Variants in DNAI3 observed in about 807,000 individuals in gnomAD.
The protein encoded by DNAI3 is WD repeat domain 63.
DNAI3 carries 83 observed loss-of-function variants against 115.5 expected under a neutral mutation model. The ratio of observed to expected loss-of-function variants is 0.72; its 90% CI spans 0.60 to 0.86. The LOEUF (loss-of-function observed/expected upper bound fraction) is 0.86. Ranked by LOEUF, DNAI3 falls within the 40% of genes least tolerant of loss-of-function variation. DNAI3 has a pLI of 0.00. For missense variants in DNAI3, 1,004 were observed against 1,075.8 expected, an observed-to-expected ratio of 0.93 and a Z score of 0.93; for synonymous variants, 320 against 347.0, an observed-to-expected ratio of 0.92 and a Z score of 0.86.
intron 3 of DNAI3, among the ~76,000 whole-genome samples, chr1:85,074,083 T>A (rs1654373285): frequency 6.6e-6 from 1 of 152,144 alleles, no homozygotes; most frequent in Non-Finnish European, 1.5e-5. Flanking sequence ...CCTCCACACC[T>A]CCCTACCCCT....
intron 13 of DNAI3, among the ~76,000 whole-genome samples, chr1:85,103,888 AAATAATAATAAT>A (rs71075819): frequency 0.012 from 1,751 of 140,400 alleles, 13 homozygotes; most frequent in African/African-American, 0.03. Context: ...TGCCTTCTCA[AAATAATAATAAT>A]AATAATAATA....
chr1:85,081,730 C>G (rs1654638446), intron 4 of DNAI3, among the ~76,000 whole-genome samples: 1 of 152,198 alleles, frequency 6.6e-6, no homozygotes, highest in South Asian at 2.1e-4. Flanking sequence ...GCACTGCAAC[C>G]TCCGCCTCCC....
chr1:85,106,883 A>G (rs536676195), intron 14 of DNAI3, among the ~76,000 whole-genome samples: 2 of 152,350 alleles, frequency 1.3e-5, no homozygotes, highest in African/African-American at 4.8e-5. Context: ...AACGTTTAAA[A>G]TGGAATAATG....
intron 1 of DNAI3, among the ~76,000 whole-genome samples, chr1:85,070,493 GT>G (rs35253058): frequency 0.87 from 132,129 of 151,698 alleles, 58,168 homozygotes; most frequent in East Asian, 0.97. Flanking sequence ...TTGGGGCCTC[GT>G]TTTTCTCATT....
At chr1:85,094,224 G>T in intron 9 of DNAI3, 2 of 617,948 alleles carry the variant, frequency 3.2e-6, no homozygotes, top group Admixed American at 2.8e-5. Context: ...AACAGTACAT[G>T]TCAGTTTGGA....
chr1:85,096,473 G>T (rs1486350583), intron 11 of DNAI3, among the ~76,000 whole-genome samples: 4 of 144,718 alleles, frequency 2.8e-5, no homozygotes, highest in Admixed American at 6.9e-5. Flanking sequence ...TATATATATA[G>T]ATAGATTATA....
intron 9 of DNAI3, 145 bp downstream of exon 9, chr1:85,093,793 C>A: frequency 1.1e-6 from 1 of 906,902 alleles, no homozygotes; most frequent in African/African-American, 1.6e-5. Flanking sequence ...ATGTGCTTTC[C>A]ACGCCCTCAC....
intron 20 of DNAI3, among the ~76,000 whole-genome samples, chr1:85,127,113 A>G (rs1656171166): frequency 6.6e-6 from 1 of 152,100 alleles, no homozygotes. Context: ...AGATAGAATA[A>G]ATTTTGTTTC....
intron 5 of DNAI3, 22 bp downstream of exon 5, chr1:85,082,426 G>C (rs1332582743): frequency 4.4e-6 from 7 of 1,583,836 alleles, no homozygotes; most frequent in Non-Finnish European, 6.1e-6. Flanking sequence ...CCAAGCCCTT[G>C]TAATTTGTTT....
At chr1:85,064,814 C>T (rs1400741704) in intron 1 of DNAI3, among the ~76,000 whole-genome samples, 1 of 152,096 alleles carries the variant, frequency 6.6e-6, no homozygotes, top group Non-Finnish European at 1.5e-5. Context: ...AGGCAGATCA[C>T]CTGAGGTCAG....
At chr1:85,077,673 G>A (rs1295731743) in intron 3 of DNAI3, among the ~76,000 whole-genome samples, 1 of 152,104 alleles carries the variant, frequency 6.6e-6, no homozygotes, top group Non-Finnish European at 1.5e-5. Flanking sequence ...GGGTTACTTA[G>A]GGATGAAGGA....
chr1:85,090,241 T>A lies in DNAI3; in HGVS notation c.857+9T>A. 2 of 1,472,738 alleles carry A rather than the reference T, an allele frequency of 1.4e-6. No individual in the cohort carries two copies. Among genetic ancestry groups the A allele is most frequent in the Non-Finnish European group, 1.8e-6 (2 of 1,085,640 alleles). 91.2% of individuals were successfully genotyped at this position (1,472,738 alleles called of 1,614,324 possible). A position where few individuals can be genotyped will look rare whatever the true frequency, so the allele number is the denominator to read the frequency against. On this transcript the variant is annotated intron_variant, in intron 8 of 22. Transcript: ENST00000294664. Reference sequence around the variant, plus strand: ...AACAATGCATCCATAAGGTAAAAAATTGCATATTAAATTTTAAAAATAAAA... The same window carrying A: ...AACAATGCATCCATAAGGTAAAAAAATGCATATTAAATTTTAAAAATAAAA...
At chr1:85,072,920 C>A (rs4907022) in intron 2 of DNAI3, 134 bp from the exon 3 acceptor site, 66,759 of 406,684 alleles carry the variant, frequency 0.16, 6,885 homozygotes, top group Non-Finnish European at 0.2. Flanking sequence ...GCGCCACTGC[C>A]CTCCAGCCTG....
chr1:85,064,479 T>A (rs1654028140), intron 1 of DNAI3, among the ~76,000 whole-genome samples: 1 of 151,920 alleles, frequency 6.6e-6, no homozygotes, highest in African/African-American at 2.4e-5. Context: ...AATCTTGAAG[T>A]TTAATCAGGG....
At chr1:85,105,292 G>A (rs921840847) in intron 14 of DNAI3, among the ~76,000 whole-genome samples, 1 of 152,056 alleles carries the variant, frequency 6.6e-6, no homozygotes, top group African/African-American at 2.4e-5. Flanking sequence ...CATGTGTTGG[G>A]GAAGATTCTG....
At chr1:85,069,778 A>G (rs1654211799) in intron 1 of DNAI3, among the ~76,000 whole-genome samples, 1 of 152,130 alleles carries the variant, frequency 6.6e-6, no homozygotes, top group Non-Finnish European at 1.5e-5. Context: ...GGGATAGCAT[A>G]TGGAGAAGGG....
At chr1:85,128,923 A>T (rs1656232373) in intron 21 of DNAI3, 124 bp downstream of exon 21, 7 of 783,292 alleles carry the variant, frequency 8.9e-6, no homozygotes, top group Non-Finnish European at 1.5e-5. Flanking sequence ...TCATACAGTA[A>T]ATAAGAGGAT....
chr1:85,079,729 T>C (rs1654572498), intron 3 of DNAI3, among the ~76,000 whole-genome samples: 1 of 152,056 alleles, frequency 6.6e-6, no homozygotes, highest in Non-Finnish European at 1.5e-5. Context: ...TCCTCTAGCG[T>C]CCACCCTCCC....
chr1:85,103,598 A>G (rs1341418942), intron 13 of DNAI3, among the ~76,000 whole-genome samples: 1 of 152,132 alleles, frequency 6.6e-6, no homozygotes, highest in African/African-American at 2.4e-5. Context: ...GATTAAAATA[A>G]TTTATGAGGC....
Sources: gnomAD v4.1 joint callset for allele counts (sites outside exome capture counted in the v4.1 genomes callset) on GRCh38, gnomAD v4.1.1 for gene constraint, MANE v1.5 for transcripts, NCBI Gene and HGNC (gene_info 2026-07-23, HGNC 2026-07-21) for gene names.